KCNT2: variants seen among roughly 807,000 people sequenced by gnomAD.
The protein encoded by KCNT2 is potassium sodium-activated channel subfamily T member 2.
Under a neutral mutation model 153.8 loss-of-function variants are expected in KCNT2, and 67 were observed. That is an observed-to-expected ratio of 0.44 (90% CI 0.36 to 0.53). The LOEUF (loss-of-function observed/expected upper bound fraction) is 0.53, where lower values mean the gene tolerates loss of function less well. KCNT2 is among the 20% of genes least tolerant of loss of function. The pLI is 0.00. For synonymous variants in KCNT2, 500 were observed against 458.8 expected (o/e 1.09, Z -1.15); for missense variants, 975 against 1,354.8 (o/e 0.72, Z 4.40).
chr1:196,465,568 A>G (rs1169466579), intron 7 of KCNT2, among the ~76,000 whole-genome samples, 181 bp from the exon 8 acceptor site: 1 of 151,934 alleles, frequency 6.6e-6, no homozygotes, highest in African/African-American at 2.4e-5. Flanking sequence ...TCTGATTGTA[A>G]CTTACTAAAG....
At chr1:196,608,116 T>C in intron 1 of KCNT2, 99 bp downstream of exon 1, 2 of 1,036,420 alleles carry the variant, frequency 1.9e-6, no homozygotes, top group Non-Finnish European at 3.1e-6. Flanking sequence ...CCTCTCTGGC[T>C]CCGTTTTCCT....
chr1:196,511,055 C>T (rs962622182), intron 1 of KCNT2, among the ~76,000 whole-genome samples: 3 of 151,998 alleles, frequency 2.0e-5, no homozygotes, highest in Non-Finnish European at 4.4e-5. Flanking sequence ...CTCTTCCCCC[C>T]ACCCTAAAGG....
chr1:196,379,002 A>G (rs1669222592), intron 13 of KCNT2, among the ~76,000 whole-genome samples: 1 of 151,294 alleles, frequency 6.6e-6, no homozygotes. Flanking sequence ...TCTGGTAGAA[A>G]TTACATATCT....
intron 3 of KCNT2, among the ~76,000 whole-genome samples, chr1:196,486,611 A>G (rs1395963383): frequency 1.3e-5 from 2 of 151,938 alleles, no homozygotes; most frequent in Non-Finnish European, 2.9e-5. Context: ...TAGCAGAAGA[A>G]CAAAGCATTT....
intron 1 of KCNT2, among the ~76,000 whole-genome samples, chr1:196,520,993 T>G (rs1271247826): frequency 6.6e-6 from 1 of 152,048 alleles, no homozygotes; most frequent in Non-Finnish European, 1.5e-5. Flanking sequence ...AAATAAACTA[T>G]CAACAGAGTA....
At chr1:196,596,704 A>G (rs1220923664) in intron 1 of KCNT2, among the ~76,000 whole-genome samples, 1 of 151,970 alleles carries the variant, frequency 6.6e-6, no homozygotes. Context: ...CAAAGTCTTT[A>G]TTTTTCAATT....
intron 1 of KCNT2, among the ~76,000 whole-genome samples, chr1:196,521,045 T>C (rs529353897): frequency 6.6e-6 from 1 of 152,236 alleles, no homozygotes; most frequent in East Asian, 1.9e-4. Context: ...TTGCTAACTA[T>C]ACATCTGAAA....
At chr1:196,566,060 C>T (rs772032837) in intron 1 of KCNT2, among the ~76,000 whole-genome samples, 3 of 151,364 alleles carry the variant, frequency 2.0e-5, no homozygotes, top group Non-Finnish European at 1.5e-5. Flanking sequence ...ATATTGTAAA[C>T]GATAAATATA....
chr1:196,592,543 T>C (rs1663500425), intron 1 of KCNT2, among the ~76,000 whole-genome samples: 1 of 147,446 alleles, frequency 6.8e-6, no homozygotes, highest in Admixed American at 6.8e-5. Context: ...TAACTATATA[T>C]AAATATATAA....
At chr1:196,556,085 G>C in intron 1 of KCNT2, among the ~76,000 whole-genome samples, 1 of 151,364 alleles carries the variant, frequency 6.6e-6, no homozygotes, top group Admixed American at 6.6e-5. Context: ...CCAGAACATT[G>C]ATCTGGGCAA....
intron 21 of KCNT2, among the ~76,000 whole-genome samples, chr1:196,311,168 T>C (rs1044591511): frequency 6.6e-6 from 1 of 151,824 alleles, no homozygotes; most frequent in Non-Finnish European, 1.5e-5. Flanking sequence ...TCCCCAATAA[T>C]TGCCACAGTT....
At chr1:196,571,763 T>C (rs4515738) in intron 1 of KCNT2, among the ~76,000 whole-genome samples, 127,795 of 151,988 alleles carry the variant, frequency 0.84, 57,901 homozygotes, top group Non-Finnish European at 1. Context: ...ATGCAGAAAT[T>C]CTTCCACAGA....
chr1:196,251,637 T>C (rs1390740238), intron 26 of KCNT2, among the ~76,000 whole-genome samples: 1 of 151,892 alleles, frequency 6.6e-6, no homozygotes, highest in Non-Finnish European at 1.5e-5. Flanking sequence ...AAGGGGATAG[T>C]TATTGGGTAC....
chr1:196,331,480 T>C (rs1297611937), intron 17 of KCNT2, among the ~76,000 whole-genome samples: 1 of 152,028 alleles, frequency 6.6e-6, no homozygotes, highest in Admixed American at 6.6e-5. Flanking sequence ...TTCTGCATTT[T>C]AAAATGGTTG....
intron 3 of KCNT2, among the ~76,000 whole-genome samples, chr1:196,482,641 G>T (rs1300451277): frequency 6.6e-6 from 1 of 151,724 alleles, no homozygotes; most frequent in Non-Finnish European, 1.5e-5. Context: ...GATATGGCAG[G>T]GCAGAATAAC....
At chr1:196,415,572 A>G (rs1376640454) in intron 12 of KCNT2, among the ~76,000 whole-genome samples, 2 of 151,786 alleles carry the variant, frequency 1.3e-5, no homozygotes, top group Non-Finnish European at 2.9e-5. Context: ...GCCTATTGTT[A>G]TGTCCGGATA....
At chr1:196,487,141 T>A (rs1297882296) in intron 3 of KCNT2, among the ~76,000 whole-genome samples, 1 of 151,784 alleles carries the variant, frequency 6.6e-6, no homozygotes, top group South Asian at 2.1e-4. Flanking sequence ...TAGAGTCGAG[T>A]GCAAAAAAGT....
chr1:196,364,917 C>A (rs928062917), intron 14 of KCNT2, among the ~76,000 whole-genome samples: 1 of 152,016 alleles, frequency 6.6e-6, no homozygotes, highest in Non-Finnish European at 1.5e-5. Flanking sequence ...TACAATGTTG[C>A]AACTTTTTAA....
At chr1:196,473,233 C>G (rs572449618) in intron 5 of KCNT2, among the ~76,000 whole-genome samples, 1 of 152,208 alleles carries the variant, frequency 6.6e-6, no homozygotes, top group Non-Finnish European at 1.5e-5. Flanking sequence ...CTTTCCTTGC[C>G]CCTTCATCAT....
Sources: allele counts gnomAD v4.1 joint callset (sites outside exome capture counted in the v4.1 genomes callset), GRCh38; gene constraint gnomAD v4.1.1; transcripts MANE v1.5; gene names NCBI Gene and HGNC (gene_info 2026-07-23, HGNC 2026-07-21).